The following MAP3K4 variants were observed in gnomAD, a reference collection of about 807,000 sequenced individuals.
MAP3K4 encodes MAP three kinase 1.
A neutral mutation model predicts 185.6 loss-of-function variants in MAP3K4; 67 were observed. That is an observed-to-expected ratio of 0.36 (90% CI 0.30 to 0.44). The LOEUF (loss-of-function observed/expected upper bound fraction) is 0.44, where lower values mean the gene tolerates loss of function less well. Ranked by LOEUF, MAP3K4 falls within the 20% of genes least tolerant of loss-of-function variation. The pLI is 1.00. For synonymous variants in MAP3K4, 702 were observed against 710.4 expected (o/e 0.99, Z 0.19); for missense variants, 1,551 against 1,995.1 (o/e 0.78, Z 4.24).
chr6:161,037,093 C>T lies in MAP3K4; in HGVS notation c.343+2644C>T, dbSNP rs557923675. ...ATGCCAGCTGGTGAACTATTTCTTG[C>T]GGACATTCTTGTTTATGAATACCAA... is the stretch of plus-strand genomic sequence containing the variant. On this transcript the variant is annotated intron_variant, in intron 2 of 26. Transcript: ENST00000392142. The surrounding 1 kb of genome is among the most constrained non-coding windows in gnomAD (Gnocchi z 4.2). Among the ~76,000 whole-genome samples the T allele has an allele frequency of 2.6e-5, 4 of 152,226 alleles. No homozygotes were observed. Among genetic ancestry groups the T allele is most frequent in the Admixed American group, 6.5e-5 (1 of 15,288 alleles).
rs767322320 is a variant in MAP3K4 at position 161,098,329 on chromosome 6, TGC to T, written c.3577_3578del (p.Ala1193CysfsTer18). ...ARSHGSPAAAAAAAAAAVAAS... is the reference protein window; with the variant it reads ...ARSHGSPAAAXAAAAAAVAAS... Reference sequence around the variant, plus strand: ...GGAGCCATGGCAGCCCTGCTGCTGCTGCTGCTGCTGCTGCTGCTGCTGTTGCT... The same window carrying T: ...GGAGCCATGGCAGCCCTGCTGCTGCTTGCTGCTGCTGCTGCTGCTGTTGCT... On this transcript the variant is annotated frameshift_variant, in exon 17 of 27. Transcript: ENST00000392142. LOFTEE classifies it high-confidence loss of function. This position sits in a 1 kb window ranked among gnomAD's most constrained non-coding sequence, Gnocchi z 4.4. 1 of 1,600,494 alleles carries T rather than the reference TGC, an allele frequency of 6.2e-7. No individual in the cohort carries two copies. The highest frequency in any genetic ancestry group is 8.5e-7 in the Non-Finnish European group (1 of 1,171,932).
chr6:161,009,230 C>T (rs943435608), intron 1 of MAP3K4, among the ~76,000 whole-genome samples: 4 of 152,116 alleles, frequency 2.6e-5, no homozygotes, highest in African/African-American at 4.8e-5. Context: ...GTCATCCACC[C>T]GCCTCGGCCT....
In MAP3K4 at chr6:161,048,162, T is replaced by C; in HGVS notation, c.344-454T>C. On this transcript the variant is annotated intron_variant, in intron 2 of 26. Coordinates refer to ENST00000392142, the MANE Select transcript of MAP3K4 (RefSeq NM_005922.4). This position sits in a 1 kb window ranked among gnomAD's most constrained non-coding sequence, Gnocchi z 4.7. ...CTAATTTTATCAATGAGAAAAGTAA[T>C]CCAGATAATTTACGTGATTTCCTCT... The C allele has an allele frequency of 2.0e-6, 1 of 491,130 alleles. No individual in the cohort carries two copies. The highest frequency in any genetic ancestry group is 1.5e-5 in the South Asian group (1 of 64,836). The allele number at this position is 491,130 out of a possible 1,614,324, so 30.4% of individuals were successfully genotyped here. A position where few individuals can be genotyped will look rare whatever the true frequency, so the allele number is the denominator to read the frequency against.
At chr6:161,050,624 G>A (rs1783961739) in intron 3 of MAP3K4, among the ~76,000 whole-genome samples, 1 of 152,190 alleles carries the variant, frequency 6.6e-6, no homozygotes, top group African/African-American at 2.4e-5. Flanking sequence ...ACTAGAGGAA[G>A]TGACTTGAAA....
At chr6:161,038,629 C>T (rs959811936) in intron 2 of MAP3K4, among the ~76,000 whole-genome samples, 1 of 152,188 alleles carries the variant, frequency 6.6e-6, no homozygotes, top group African/African-American at 2.4e-5. Flanking sequence ...CACTGTGAAA[C>T]TTAATGGCAT....
At chr6:161,041,525 A>G (rs747410193) in intron 2 of MAP3K4, among the ~76,000 whole-genome samples, 2 of 152,214 alleles carry the variant, frequency 1.3e-5, no homozygotes, top group Non-Finnish European at 2.9e-5. Context: ...TATGGGGGCA[A>G]GGGTAGGGCC....
In MAP3K4 at chr6:161,071,028, G is replaced by A. The variant is rs561803680; in HGVS notation, c.1950+178G>A. On this transcript the variant is annotated intron_variant, in intron 4 of 26. Coordinates refer to ENST00000392142, the MANE Select transcript of MAP3K4 (RefSeq NM_005922.4). This position sits in a 1 kb window ranked among gnomAD's most constrained non-coding sequence, Gnocchi z 4.6. Reference sequence around the variant, plus strand: ...GTAATTAAAAATGTTCTTTATATGCGGTCCTCAAAGGTAAGATTGTGGTTC... The same window carrying A: ...GTAATTAAAAATGTTCTTTATATGCAGTCCTCAAAGGTAAGATTGTGGTTC... Among the ~76,000 whole-genome samples, 11 of 151,834 alleles carry A rather than the reference G, an allele frequency of 7.2e-5. No homozygotes were observed. The highest frequency in any genetic ancestry group is 4.2e-4 in the South Asian group (2 of 4,796).
rs751730497 is a variant in MAP3K4, at chr6:161,115,144, C to T, written c.4648C>T (p.His1550Tyr). 4 of 1,613,304 alleles carry T rather than the reference C, an allele frequency of 2.5e-6. No individual in the cohort carries two copies. The highest frequency in any genetic ancestry group is 3.4e-6 in the Non-Finnish European group (4 of 1,179,482). ...TGKRPWHEYE[H>Y]NFQIMYKVGM... is the part of the protein sequence containing the mutation. ...TTAGAGGCCTTGGCATGAGTATGAG[C>T]ACAACTTTCAAATTATGTATAAAGT... Residue 1550 changes from histidine to tyrosine, a missense_variant, in exon 26 of 27, where the codon CAC becomes TAC. Coordinates refer to ENST00000392142, the MANE Select transcript of MAP3K4 (RefSeq NM_005922.4). The surrounding 1 kb of genome is among the most constrained non-coding windows in gnomAD (Gnocchi z 6.0).
intron 1 of MAP3K4, among the ~76,000 whole-genome samples, chr6:161,004,185 C>T (rs570122952): frequency 9.0e-4 from 137 of 152,080 alleles, no homozygotes; most frequent in African/African-American, 3.3e-3. Context: ...AACCACTGGC[C>T]TGGAAGATAC....
rs762668718 is a variant in MAP3K4 at position 161,087,797 on chromosome 6, C to T, written c.2666C>T (p.Ser889Leu). The T allele has an allele frequency of 6.2e-7, 1 of 1,614,024 alleles. No individual in the cohort carries two copies. The highest frequency in any genetic ancestry group is 8.5e-7 in the Non-Finnish European group (1 of 1,180,036). ...AATGCAGCTGCAGGAAAGGACTGTT[C>T]AAAAGATTCAGATGACGTACTCATC... ...LLNAAAGKDC[S>L]KDSDDVLIDA... Residue 889 changes from serine to leucine, a missense_variant, in exon 10 of 27, where the codon TCA becomes TTA. Ser to Leu is a moderately radical substitution (Grantham distance 145). This residue lies in a region of MAP3K4 where 261 missense variants were observed against 306.5 expected (regional missense o/e 0.85). Coordinates refer to ENST00000392142, the MANE Select transcript of MAP3K4 (RefSeq NM_005922.4). This position sits in a 1 kb window ranked among gnomAD's most constrained non-coding sequence, Gnocchi z 4.9.
rs1783894035 is a variant in MAP3K4 at position 161,049,319 on chromosome 6, C to G, written c.1047C>G (p.Val349=). 6.2e-7 allele frequency: 1 copy of G among 1,614,136 alleles called. No homozygotes were observed. Among genetic ancestry groups the G allele is most frequent in the East Asian group, 2.2e-5 (1 of 44,872 alleles). Residue 349 remains valine, a synonymous_variant, in exon 3 of 27, where the codon GTC becomes GTG. Coordinates refer to ENST00000392142, the MANE Select transcript of MAP3K4 (RefSeq NM_005922.4). This position sits in a 1 kb window ranked among gnomAD's most constrained non-coding sequence, Gnocchi z 8.4. ...THHEHLQRQR[V]SFEQVKRIME... ...ATGAGCATCTCCAACGCCAGAGGGT[C>G]TCATTTGAGCAGGTAAAACGGATAA...
chr6:161,098,388 CTG>C lies in MAP3K4; in HGVS notation c.3638_3639del (p.Val1213AlafsTer10), dbSNP rs1777673335. ...CGGCCCAGCCCCTCTGGTGGTGACTCTGTGCTGCCCAAATCCATCAGCAGTGC... is the reference window on the plus strand; with the variant it reads ...CGGCCCAGCCCCTCTGGTGGTGACTCTGCTGCCCAAATCCATCAGCAGTGC... On this transcript the variant is annotated frameshift_variant, in exon 17 of 27. Coordinates refer to ENST00000392142, the MANE Select transcript of MAP3K4 (RefSeq NM_005922.4). LOFTEE classifies it high-confidence loss of function. The surrounding 1 kb of genome is among the most constrained non-coding windows in gnomAD (Gnocchi z 4.4). The C allele has an allele frequency of 6.2e-7, 1 of 1,613,936 alleles. No individual in the cohort carries two copies. Among genetic ancestry groups the C allele is most frequent in the Non-Finnish European group, 8.5e-7 (1 of 1,180,028 alleles).
chr6:161,070,882 C>T lies in MAP3K4; in HGVS notation c.1950+32C>T. On this transcript the variant is annotated intron_variant, in intron 4 of 26. Coordinates refer to ENST00000392142, the MANE Select transcript of MAP3K4 (RefSeq NM_005922.4). This position sits in a 1 kb window ranked among gnomAD's most constrained non-coding sequence, Gnocchi z 4.5. ...TTCAAAGACTCTTTAAAATATTTAG[C>T]AATTATTATATTATCCTACAGGCTT... The T allele has an allele frequency of 6.5e-7, 1 of 1,549,960 alleles. No homozygotes were observed. The highest frequency in any genetic ancestry group is 8.7e-7 in the Non-Finnish European group (1 of 1,146,586).
intron 1 of MAP3K4, among the ~76,000 whole-genome samples, chr6:161,024,236 T>C (rs189765932): frequency 6.6e-6 from 1 of 152,178 alleles, no homozygotes; most frequent in East Asian, 1.9e-4. Flanking sequence ...CCTAGAGTGT[T>C]GGGATTATAG....
rs530222532 is a variant in MAP3K4 at position 161,087,830 on chromosome 6, A to T, written c.2699A>T (p.Tyr900Phe). The change falls in exon 10 of 27, where the codon TAT (tyrosine) becomes TTT (phenylalanine). Residue 900 changes from tyrosine (Y) to phenylalanine (F), a missense_variant. Transcript: ENST00000392142. This position sits in a 1 kb window ranked among gnomAD's most constrained non-coding sequence, Gnocchi z 4.9. The part of the protein sequence containing the change: ...KDSDDVLIDA[Y>F]LLLTKHGDRA... ...TCAGATGACGTACTCATCGATGCCT[A>T]TCTGCTTCTGACCAAGCACGGTGAT... The T allele has an allele frequency of 6.2e-7, 1 of 1,614,012 alleles. No individual in the cohort carries two copies. Among genetic ancestry groups the T allele is most frequent in the African/African-American group, 1.3e-5 (1 of 74,906 alleles).
intron 1 of MAP3K4, among the ~76,000 whole-genome samples, chr6:161,027,050 A>G (rs370755074): frequency 8.4e-4 from 128 of 152,308 alleles, no homozygotes; most frequent in African/African-American, 2.8e-3. Context: ...TGAGTGAAAC[A>G]GAAGACTTTA....
rs535504595 is a variant in MAP3K4 at position 161,062,775 on chromosome 6, A to T, written c.1708-7833A>T. Among the ~76,000 whole-genome samples the T allele has an allele frequency of 1.2e-4, 18 of 152,098 alleles. No homozygotes were observed. The South Asian group carries it at 3.7e-3, about 32-fold the overall frequency. On this transcript the variant is annotated intron_variant, in intron 3 of 26. Transcript: ENST00000392142. ...TGTTTGTTTGCTGAATACCTAAAGG[A>T]TTTTTTTCTTTAAACTCTACTAGTT...
At chr6:161,009,819 C>T (rs944783786) in intron 1 of MAP3K4, among the ~76,000 whole-genome samples, 3 of 152,034 alleles carry the variant, frequency 2.0e-5, no homozygotes, top group Non-Finnish European at 2.9e-5. Flanking sequence ...CTCCTGAGAA[C>T]ACATGGACAC....
At chr6:161,046,547 T>C (rs906147564) in intron 2 of MAP3K4, among the ~76,000 whole-genome samples, 1 of 151,756 alleles carries the variant, frequency 6.6e-6, no homozygotes, top group African/African-American at 2.4e-5. Flanking sequence ...TAGTAGTTTG[T>C]ATACTAAAAT....
Sources: allele counts gnomAD v4.1 joint callset (sites outside exome capture counted in the v4.1 genomes callset), GRCh38; gene constraint gnomAD v4.1.1; regional missense constraint gnomAD v4.1.1; non-coding constraint Gnocchi (gnomAD v3.1); transcripts MANE v1.5; gene names NCBI Gene and HGNC (gene_info 2026-07-23, HGNC 2026-07-21).